CDH18: variants seen among roughly 807,000 people sequenced by gnomAD.
The protein encoded by CDH18 is cadherin 18.
Under a neutral mutation model 67.9 loss-of-function variants are expected in CDH18, and 31 were observed. The observed-to-expected ratio is 0.46, with a 90% CI of 0.34 to 0.62. The LOEUF is 0.62. Among genes scored for constraint, CDH18 ranks in the 20% least tolerant of loss-of-function variants. The pLI is 0.01. For missense variants in CDH18, 890 were observed against 975.5 expected (o/e 0.91, Z 1.17); for synonymous variants, 362 against 347.2 (o/e 1.04, Z -0.48).
intron 3 of CDH18, among the ~76,000 whole-genome samples, chr5:19,835,034 G>C (rs1385747228): frequency 6.6e-6 from 1 of 151,938 alleles, no homozygotes; most frequent in East Asian, 1.9e-4. Flanking sequence ...TATACCCAAA[G>C]GACTATAAAT....
chr5:20,216,949 A>G lies in CDH18; in HGVS notation c.-518+38495T>C, dbSNP rs946701584. Among the ~76,000 whole-genome samples the G allele has an allele frequency of 5.3e-5, 8 of 152,092 alleles. No homozygotes were observed. The East Asian group carries it at 1.4e-3, about 26-fold the overall frequency. On this transcript the variant is annotated intron_variant, in intron 2 of 14. Transcript: ENST00000507958. ...CGGGCAGCAGCAGTGTTCTCATTGG[A>G]AACCTTATTAGCCAGAAAAAAGTGG...
In CDH18 at chr5:19,562,402, A is replaced by G. The variant is rs1197865521; in HGVS notation, c.1253+9177T>C. Among the ~76,000 whole-genome samples, 3 of 152,120 alleles carry G rather than the reference A, an allele frequency of 2.0e-5. No individual in the cohort carries two copies. The South Asian group carries it at 6.2e-4, about 31-fold the overall frequency. On this transcript the variant is annotated intron_variant, in intron 8 of 12. Coordinates refer to ENST00000382275, the MANE Select transcript of CDH18 (RefSeq NM_004934.5). ...CAAAATAATTTGGTATTTCTAATCC[A>G]ACTCATCATCAATTATGTGAAAATT...
At position 19,566,908 on chromosome 5, in the gene CDH18, G is replaced by A. The variant is rs538451443; in HGVS notation, c.1253+4671C>T. Among the ~76,000 whole-genome samples the A allele has an allele frequency of 1.2e-3, 183 of 152,244 alleles. 1 individual carries two copies. Among genetic ancestry groups the A allele is most frequent in the African/African-American group, 4.1e-3 (172 of 41,544 alleles). On this transcript the variant is annotated intron_variant, in intron 8 of 12. Coordinates refer to ENST00000382275, the MANE Select transcript of CDH18 (RefSeq NM_004934.5). ...AATACAGTAATTCAGCCATAAAATA[G>A]AATAAGATTCTATCATTTGCAACAT... is the stretch of plus-strand genomic sequence containing the variant.
At chr5:20,447,041 A>T (rs182951746) in intron 1 of CDH18, among the ~76,000 whole-genome samples, 25 of 152,278 alleles carry the variant, frequency 1.6e-4, no homozygotes, top group African/African-American at 5.8e-4. Context: ...GATTTACTAG[A>T]TAAAATGTGG....
At chr5:19,570,313 G>A (rs1018801116) in intron 8 of CDH18, among the ~76,000 whole-genome samples, 1 of 152,064 alleles carries the variant, frequency 6.6e-6, no homozygotes, top group African/African-American at 2.4e-5. Flanking sequence ...ATAGTTTACC[G>A]ATCCTCCTTC....
At chr5:19,823,349 C>T (rs1248064155) in intron 3 of CDH18, among the ~76,000 whole-genome samples, 1 of 152,126 alleles carries the variant, frequency 6.6e-6, no homozygotes, top group African/African-American at 2.4e-5. Flanking sequence ...TCCATGAAAT[C>T]TTCACAATTT....
rs866394674 is a variant in CDH18 at position 19,480,910 on chromosome 5, C to T, written c.1882+2391G>A. 3.2e-4 allele frequency among the ~76,000 whole-genome samples: 48 copies of T among 152,160 alleles called. 1 individual carries two copies. Among genetic ancestry groups the T allele is most frequent in the Admixed American group, 2.0e-3 (31 of 15,274 alleles). ...CAACTACAGGTGCATGCCACCATGA[C>T]GAGCTAGAAATGACTGGAATGCAGT... On this transcript the variant is annotated intron_variant, in intron 12 of 12. Transcript: ENST00000382275.
intron 1 of CDH18, among the ~76,000 whole-genome samples, chr5:20,541,521 T>C (rs1757047619): frequency 6.6e-6 from 1 of 152,130 alleles, no homozygotes; most frequent in African/African-American, 2.4e-5. Context: ...ATTAAAACCC[T>C]AGATAAAATA....
chr5:20,487,637 T>C (rs1353383946), intron 1 of CDH18, among the ~76,000 whole-genome samples: 1 of 151,422 alleles, frequency 6.6e-6, no homozygotes, highest in Non-Finnish European at 1.5e-5. Context: ...ATAAATTCCT[T>C]ATTTTATTTC....
chr5:19,733,713 C>A (rs996847778), intron 4 of CDH18, among the ~76,000 whole-genome samples: 1 of 152,110 alleles, frequency 6.6e-6, no homozygotes, highest in Admixed American at 6.5e-5. Context: ...GAGTCATGGG[C>A]AAGAGCAGGG....
chr5:19,503,848 A>G (rs1203808886), intron 10 of CDH18, among the ~76,000 whole-genome samples: 1 of 152,116 alleles, frequency 6.6e-6, no homozygotes, highest in Non-Finnish European at 1.5e-5. Context: ...ATAAATATCA[A>G]AATAAACAGA....
intron 5 of CDH18, among the ~76,000 whole-genome samples, chr5:19,665,175 G>C (rs1345541733): frequency 6.6e-6 from 1 of 151,892 alleles, no homozygotes; most frequent in Non-Finnish European, 1.5e-5. Context: ...ATTATGAAGT[G>C]TGAAATACTA....
Position 20,217,626 on chromosome 5 carries a change from C to A in CDH18, c.-518+37818G>T, listed in dbSNP as rs992038333. Among the ~76,000 whole-genome samples the A allele has an allele frequency of 2.6e-5, 4 of 151,288 alleles. No homozygotes were observed. In the South Asian group the frequency reaches 8.4e-4, roughly 32 times the overall value. Reference sequence around the variant, plus strand: ...AGAAAAGAAAGAGGAGACCACAAAACAATTAGAAAACAAATAACAAAATGG... The same window carrying A: ...AGAAAAGAAAGAGGAGACCACAAAAAAATTAGAAAACAAATAACAAAATGG... On this transcript the variant is annotated intron_variant, in intron 2 of 14. Coordinates refer to the CDH18 transcript ENST00000507958.
intron 5 of CDH18, among the ~76,000 whole-genome samples, chr5:19,628,575 A>G (rs1751917185): frequency 6.6e-6 from 1 of 151,994 alleles, no homozygotes; most frequent in South Asian, 2.1e-4. Flanking sequence ...GGAAAACAGG[A>G]ATGAAGGATG....
chr5:19,480,125 C>T (rs1407714168), intron 12 of CDH18, among the ~76,000 whole-genome samples: 1 of 151,832 alleles, frequency 6.6e-6, no homozygotes, highest in African/African-American at 2.4e-5. Context: ...CCTAAGAGAT[C>T]GACTTTTAAG....
chr5:20,274,752 T>C (rs761216291), intron 1 of CDH18, among the ~76,000 whole-genome samples: 41 of 152,212 alleles, frequency 2.7e-4, no homozygotes, highest in Non-Finnish European at 5.0e-4. Context: ...AAAGCCATTC[T>C]AGAAAACATT....
chr5:20,453,589 GTGTA>G (rs1238264397), intron 1 of CDH18, among the ~76,000 whole-genome samples: 3 of 131,456 alleles, frequency 2.3e-5, no homozygotes, highest in Non-Finnish European at 3.3e-5. Flanking sequence ...GTGTGTGTGT[GTGTA>G]TATGTATATA....
At chr5:19,836,518 TG>T (rs1434257351) in intron 3 of CDH18, among the ~76,000 whole-genome samples, 2 of 152,190 alleles carry the variant, frequency 1.3e-5, no homozygotes, top group African/African-American at 2.4e-5. Flanking sequence ...AGGGGGTGTT[TG>T]TTTTTTTCTG....
intron 10 of CDH18, among the ~76,000 whole-genome samples, chr5:19,513,837 T>C (rs1390671195): frequency 6.6e-6 from 1 of 151,844 alleles, no homozygotes; most frequent in East Asian, 1.9e-4. Context: ...AGTGCATTCC[T>C]TTATTTGCAA....
Sources: gnomAD v4.1 joint callset for allele counts (sites outside exome capture counted in the v4.1 genomes callset) on GRCh38, gnomAD v4.1.1 for gene constraint, MANE v1.5 for transcripts, NCBI Gene and HGNC (gene_info 2026-07-23, HGNC 2026-07-21) for gene names.